Variants in ARHGAP29 observed in about 807,000 individuals in gnomAD.
ARHGAP29 encodes the protein rho GTPase-activating protein 29.
A neutral mutation model predicts 122.6 loss-of-function variants in ARHGAP29; 43 were observed. The ratio of observed to expected loss-of-function variants is 0.35; its 90% CI spans 0.27 to 0.45. ARHGAP29 has a LOEUF of 0.45. Among genes scored for constraint, ARHGAP29 ranks in the 20% least tolerant of loss-of-function variants. The probability of loss-of-function intolerance (pLI) is 1.00; values close to 1 mark genes in which losing one functional copy is unlikely to be tolerated. For missense variants in ARHGAP29, 1,303 were observed against 1,477.2 expected, an observed-to-expected ratio of 0.88 and a Z score of 1.93; for synonymous variants, 506 against 497.1, an observed-to-expected ratio of 1.02 and a Z score of -0.24.
chr1:94,230,807 AC>A (rs1234567307), intron 2 of ARHGAP29, among the ~76,000 whole-genome samples: 1 of 151,910 alleles, frequency 6.6e-6, no homozygotes, highest in African/African-American at 2.4e-5. Flanking sequence ...AAAGACAGGT[AC>A]TAAGAACAAG....
At chr1:94,193,589 A>T (rs1650260418) in intron 12 of ARHGAP29, 3 of 152,228 alleles carry the variant, frequency 2.0e-5, no homozygotes, top group African/African-American at 7.2e-5. Flanking sequence ...AATTCATATG[A>T]TTACTGGTAT....
At chr1:94,290,895 T>A in the ARHGAP29 span, among the ~76,000 whole-genome samples, 1 of 152,216 alleles carries the variant, frequency 6.6e-6, no homozygotes, top group African/African-American at 2.4e-5. Context: ...GAATGTATAT[T>A]CTGCTGATTT....
chr1:94,202,006 T>C, intron 11 of ARHGAP29, 149 bp from the exon 12 acceptor site: 1 of 749,840 alleles, frequency 1.3e-6, no homozygotes, highest in Non-Finnish European at 2.0e-6. Context: ...TTCTGGTCAG[T>C]GATTCAAAGG....
upstream of ARHGAP29, among the ~76,000 whole-genome samples, chr1:94,276,292 T>C (rs1159494580): frequency 6.6e-6 from 1 of 152,084 alleles, no homozygotes; most frequent in East Asian, 1.9e-4. Context: ...CATCTGGATA[T>C]TAAGTTATTG....
intron 1 of ARHGAP29, among the ~76,000 whole-genome samples, chr1:94,254,213 T>TG (rs775717288): frequency 1.4e-4 from 21 of 152,214 alleles, no homozygotes; most frequent in Non-Finnish European, 2.9e-4. Flanking sequence ...ACTGATGGAT[T>TG]GACACCCTTT....
intron 3 of ARHGAP29, among the ~76,000 whole-genome samples, chr1:94,213,314 G>T (rs541167602): frequency 1.3e-5 from 2 of 152,230 alleles, no homozygotes; most frequent in South Asian, 4.2e-4. Context: ...CGAGTAGCTG[G>T]GACTACAGGC....
chr1:94,284,946 A>G, the ARHGAP29 span, among the ~76,000 whole-genome samples: 7 of 152,222 alleles, frequency 4.6e-5, no homozygotes, highest in Non-Finnish European at 8.8e-5. Context: ...GATCCACATA[A>G]GAGTTATTAG....
chr1:94,268,540 TG>T, intron 1 of ARHGAP29, among the ~76,000 whole-genome samples: 1 of 152,328 alleles, frequency 6.6e-6, no homozygotes, highest in East Asian at 1.9e-4. Context: ...TAAGGGTTTT[TG>T]TCTCTCTCTG....
At chr1:94,248,698 T>C (rs1194506106) in intron 1 of ARHGAP29, among the ~76,000 whole-genome samples, 11 of 152,194 alleles carry the variant, frequency 7.2e-5, no homozygotes, top group Admixed American at 5.2e-4. Flanking sequence ...GATGTTTTTG[T>C]TTTGTTTTGT....
At chr1:94,276,158 T>G (rs1001646095), upstream of ARHGAP29, among the ~76,000 whole-genome samples, 9 of 151,766 alleles carry the variant, frequency 5.9e-5, no homozygotes, top group Admixed American at 5.9e-4. Context: ...CTTGGGAAGA[T>G]GAGGCACGAG....
At chr1:94,197,009 G>C (rs1013435570) in intron 12 of ARHGAP29, among the ~76,000 whole-genome samples, 1 of 151,798 alleles carries the variant, frequency 6.6e-6, no homozygotes, top group African/African-American at 2.4e-5. Context: ...AAAGAAAGTA[G>C]AAATAAGAAT....
chr1:94,217,293 G>C (rs187941902), intron 3 of ARHGAP29, among the ~76,000 whole-genome samples: 12 of 152,272 alleles, frequency 7.9e-5, no homozygotes, highest in Admixed American at 5.2e-4. Flanking sequence ...CAGCACTTTG[G>C]AAGGCTGAGG....
chr1:94,203,930 C>G lies in ARHGAP29; in HGVS notation c.762G>C (p.Gln254His). The change falls in exon 8 of 23, where the codon CAG becomes CAC. Residue 254 changes from glutamine to histidine, a missense_variant and splice_region_variant. Coordinates refer to ENST00000260526, the MANE Select transcript of ARHGAP29 (RefSeq NM_004815.4). ...AEATRTNIGI[Q>H]EFMPLQSLFT... ...CCCCCGAAGTTCACAGAACACTTAC[C>G]TGAATTCCAATGTTAGTTCTAGTTG... The G allele has an allele frequency of 6.2e-7, 1 of 1,613,516 alleles. No homozygotes were observed. Among genetic ancestry groups the G allele is most frequent in the African/African-American group, 1.3e-5 (1 of 74,994 alleles).
intron 2 of ARHGAP29, among the ~76,000 whole-genome samples, chr1:94,226,449 G>A (rs1281949631): frequency 6.6e-6 from 1 of 151,664 alleles, no homozygotes; most frequent in African/African-American, 2.4e-5. Context: ...CTTGCCCAGG[G>A]CTACAAACAA....
At chr1:94,253,317 T>A (rs1015541661) in intron 1 of ARHGAP29, among the ~76,000 whole-genome samples, 1 of 152,156 alleles carries the variant, frequency 6.6e-6, no homozygotes, top group Admixed American at 6.5e-5. Flanking sequence ...TTCCCCGGGC[T>A]TACAGTTAGT....
At chr1:94,215,744 G>C (rs1177123572) in intron 3 of ARHGAP29, among the ~76,000 whole-genome samples, 1 of 151,804 alleles carries the variant, frequency 6.6e-6, no homozygotes, top group Non-Finnish European at 1.5e-5. Context: ...AACCATAAAA[G>C]ACTGAAAAAT....
intron 1 of ARHGAP29, among the ~76,000 whole-genome samples, chr1:94,252,968 T>G (rs188667502): frequency 6.6e-6 from 1 of 152,192 alleles, no homozygotes; most frequent in East Asian, 1.9e-4. Context: ...ATTCACTTCA[T>G]TCTCCTTTAT....
At position 94,231,637 on chromosome 1, in the gene ARHGAP29, T is replaced by C; in HGVS notation, c.-26A>G. ...CCTTTCATGTAACAGTCAGAAAAAC[T>C]GAAATCCTTAAGGGGGCAAGAAACA... On this transcript the variant is annotated 5_prime_UTR_variant, in exon 2 of 23. Coordinates refer to ENST00000260526, the MANE Select transcript of ARHGAP29 (RefSeq NM_004815.4). The C allele has an allele frequency of 6.2e-7, 1 of 1,606,770 alleles. No individual in the cohort carries two copies. The highest frequency in any genetic ancestry group is 8.5e-7 in the Non-Finnish European group (1 of 1,177,322).
At chr1:94,220,640 T>G (rs1652237811) in intron 2 of ARHGAP29, among the ~76,000 whole-genome samples, 1 of 152,150 alleles carries the variant, frequency 6.6e-6, no homozygotes, top group African/African-American at 2.4e-5. Flanking sequence ...AGTACTTCAT[T>G]TTTCAGTTTT....
Sources: gnomAD v4.1 joint callset for allele counts (sites outside exome capture counted in the v4.1 genomes callset) on GRCh38, gnomAD v4.1.1 for gene constraint, MANE v1.5 for transcripts, NCBI Gene and HGNC (gene_info 2026-07-23, HGNC 2026-07-21) for gene names.